SPATA22: variants seen among roughly 807,000 people sequenced by gnomAD.
SPATA22 encodes spermatogenesis-associated protein 22.
SPATA22 carries 29 observed loss-of-function variants against 47.8 expected under a neutral mutation model. The observed-to-expected ratio is 0.61, with a 90% CI of 0.45 to 0.83. The LOEUF (loss-of-function observed/expected upper bound fraction) is 0.83, where lower values mean the gene tolerates loss of function less well. Ranked by LOEUF, SPATA22 falls within the 40% of genes least tolerant of loss-of-function variation. The probability of loss-of-function intolerance (pLI) is 0.00; values close to 1 mark genes in which losing one functional copy is unlikely to be tolerated. For synonymous variants in SPATA22, 133 were observed against 140.9 expected, an observed-to-expected ratio of 0.94 and a Z score of 0.40; for missense variants, 410 against 421.7, an observed-to-expected ratio of 0.97 and a Z score of 0.24.
Position 3,487,401 on chromosome 17 carries a change from C to T in SPATA22, c.-73-18003G>A, listed in dbSNP as rs1325881935. Reference sequence around the variant, plus strand: ...ATTATTTACAATGAGCTTAATACTCCCTCATATTGAAATATTTTAAAGATT... The same window carrying T: ...ATTATTTACAATGAGCTTAATACTCTCTCATATTGAAATATTTTAAAGATT... On this transcript the variant is annotated intron_variant, in intron 1 of 8. Transcript: ENST00000541913. Among the ~76,000 whole-genome samples, 9 of 152,164 alleles carry T rather than the reference C, an allele frequency of 5.9e-5. No individual in the cohort carries two copies. The East Asian group carries it at 1.7e-3, about 29-fold the overall frequency.
At position 3,466,902 on chromosome 17, in the gene SPATA22, T is replaced by TG. The variant is rs200835040; in HGVS notation, c.172+523dup. On this transcript the variant is annotated intron_variant, in intron 3 of 8. Coordinates refer to ENST00000572969, the MANE Select transcript of SPATA22 (RefSeq NM_001170698.2). ...AGCAATTAAGTTTCAACATATAAAT[T>TG]GGGGGGGATCACATTTGGACCATAA... 2.5e-3 allele frequency among the ~76,000 whole-genome samples: 374 copies of TG among 152,048 alleles called. 11 individuals are homozygous for TG. The East Asian group carries it at 0.049, about 20-fold the overall frequency.
chr17:3,483,634 C>T (rs761180955), intron 1 of SPATA22: 1 of 1,507,838 alleles, frequency 6.6e-7, no homozygotes, highest in Non-Finnish European at 9.2e-7. Flanking sequence ...TAAAATATGT[C>T]CTAGCTGAAA....
At chr17:3,476,370 C>T (rs1192320601), upstream of SPATA22, 1 of 1,614,034 alleles carries the variant, frequency 6.2e-7, no homozygotes, top group East Asian at 2.2e-5. Flanking sequence ...TGACCTGAAT[C>T]GCATTTTTGA....
At chr17:3,468,524 T>C (rs1409401721) in intron 2 of SPATA22, among the ~76,000 whole-genome samples, 2 of 152,218 alleles carry the variant, frequency 1.3e-5, no homozygotes, top group African/African-American at 4.8e-5. Flanking sequence ...GAATTATGAC[T>C]TCAAAGTAGG....
intron 1 of SPATA22, among the ~76,000 whole-genome samples, chr17:3,498,501 C>T (rs1240761658): frequency 1.3e-5 from 2 of 152,082 alleles, no homozygotes; most frequent in Admixed American, 6.6e-5. Flanking sequence ...GCATGCACCA[C>T]CACACCCAGC....
chr17:3,482,702 TG>T (rs1432113902), intron 1 of SPATA22, among the ~76,000 whole-genome samples: 6 of 152,222 alleles, frequency 3.9e-5, no homozygotes, highest in Non-Finnish European at 5.9e-5. Flanking sequence ...TTATTATTTT[TG>T]TTTCCCTTCA....
At chr17:3,510,160 G>T (rs2074093805) in intron 1 of SPATA22, among the ~76,000 whole-genome samples, 1 of 152,156 alleles carries the variant, frequency 6.6e-6, no homozygotes, top group African/African-American at 2.4e-5. Flanking sequence ...GAAGTGGATA[G>T]AGCACTCTTT....
At chr17:3,509,958 T>G (rs1423531098) in intron 1 of SPATA22, among the ~76,000 whole-genome samples, 3 of 152,248 alleles carry the variant, frequency 2.0e-5, no homozygotes, top group Admixed American at 2.0e-4. Flanking sequence ...GCCACGTAAA[T>G]GTCTTCTTTT....
chr17:3,501,135 T>C (rs2073985137), intron 1 of SPATA22: 1 of 151,706 alleles, frequency 6.6e-6, no homozygotes, highest in Admixed American at 6.6e-5. Context: ...AGAAATACAT[T>C]TCAGGCTGGG....
chr17:3,496,135 A>G (rs1470637000), intron 1 of SPATA22, among the ~76,000 whole-genome samples: 3 of 152,228 alleles, frequency 2.0e-5, no homozygotes, highest in African/African-American at 7.2e-5. Context: ...TTGACAGACA[A>G]TAATGAATGG....
intron 1 of SPATA22, among the ~76,000 whole-genome samples, chr17:3,470,531 C>T (rs889216694): frequency 7.9e-5 from 12 of 151,762 alleles, no homozygotes; most frequent in African/African-American, 2.4e-4. Flanking sequence ...GGGCGGATCA[C>T]GAGATCAGGA....
intron 7 of SPATA22, among the ~76,000 whole-genome samples, chr17:3,445,514 T>C (rs977952575): frequency 6.6e-6 from 1 of 152,108 alleles, no homozygotes; most frequent in Non-Finnish European, 1.5e-5. Context: ...ACCCTGAGTA[T>C]AGAACGCAGT....
chr17:3,465,078 C>T (rs1306116091), intron 3 of SPATA22, among the ~76,000 whole-genome samples: 2 of 104,160 alleles, frequency 1.9e-5, no homozygotes, highest in East Asian at 5.4e-4. Flanking sequence ...GGGGGTCAGC[C>T]CCTCCACCCG....
At chr17:3,512,168 T>C (rs1191353809) in intron 1 of SPATA22, 1 of 152,264 alleles carries the variant, frequency 6.6e-6, no homozygotes, top group Non-Finnish European at 1.5e-5. Context: ...ATTCTGCCCA[T>C]TCTGAAACAC....
chr17:3,443,995 G>GC (rs1292066090), intron 7 of SPATA22, among the ~76,000 whole-genome samples: 1 of 151,822 alleles, frequency 6.6e-6, no homozygotes, highest in East Asian at 1.9e-4. Context: ...CTACATAATT[G>GC]CAAGTTTGTA....
rs562355389 is a variant in SPATA22, at chr17:3,443,729, G to A, written c.803-458C>T. ...AATATTTTGTGACTTTGAGCAAACT[G>A]GGTATTAAATTTATTTTTATTATAT... On this transcript the variant is annotated intron_variant, in intron 7 of 8. Transcript: ENST00000572969. Among the ~76,000 whole-genome samples the A allele has an allele frequency of 2.0e-5, 3 of 151,952 alleles. No individual in the cohort carries two copies. In the South Asian group the frequency reaches 6.2e-4, roughly 32 times the overall value.
At chr17:3,450,035 G>A (rs546456703) in intron 5 of SPATA22, among the ~76,000 whole-genome samples, 1 of 152,122 alleles carries the variant, frequency 6.6e-6, no homozygotes, top group South Asian at 2.1e-4. Context: ...GTTATTTTTT[G>A]TAGAGACAGG....
intron 5 of SPATA22, among the ~76,000 whole-genome samples, chr17:3,460,707 T>C (rs1193023825): frequency 5.4e-5 from 8 of 149,284 alleles, no homozygotes; most frequent in Admixed American, 2.7e-4. Context: ...GTAGGAGGAT[T>C]GTTTAAGCCC....
chr17:3,483,470 C>T (rs748972619), intron 1 of SPATA22: 2 of 1,585,932 alleles, frequency 1.3e-6, no homozygotes, highest in Non-Finnish European at 1.7e-6. Context: ...CGGTTTTTAC[C>T]TAAGAAAGAC....
Sources: gnomAD v4.1 joint callset for allele counts (sites outside exome capture counted in the v4.1 genomes callset) on GRCh38, gnomAD v4.1.1 for gene constraint, MANE v1.5 for transcripts, NCBI Gene and HGNC (gene_info 2026-07-23, HGNC 2026-07-21) for gene names.